CBLN2: variants seen among roughly 807,000 people sequenced by gnomAD.
CBLN2 encodes the protein cerebellin 2 precursor.
In CBLN2, 7 loss-of-function variants were observed where a neutral mutation model predicts 15.0. The ratio of observed to expected loss-of-function variants is 0.47; its 90% CI spans 0.27 to 0.88. The LOEUF is 0.88. Among genes scored for constraint, CBLN2 ranks in the 40% least tolerant of loss-of-function variants. The pLI is 0.14. For missense variants in CBLN2, 242 were observed against 304.5 expected (o/e 0.79, Z 1.53); for synonymous variants, 149 against 135.2 (o/e 1.10, Z -0.71).
At chr18:72,584,983 A>G (rs2069432780) in intron 1 of CBLN2, among the ~76,000 whole-genome samples, 1 of 152,188 alleles carries the variant, frequency 6.6e-6, no homozygotes, top group Non-Finnish European at 1.5e-5. Flanking sequence ...GGGTCTGGTC[A>G]CTGTGCACAG....
intron 1 of CBLN2, among the ~76,000 whole-genome samples, chr18:72,637,929 G>A (rs532481255): frequency 2.6e-5 from 4 of 152,330 alleles, no homozygotes; most frequent in Non-Finnish European, 5.9e-5. Context: ...CTCTGATGAG[G>A]AGCCAGCCGC....
chr18:72,540,936 A>C (rs1032832087), intron 3 of CBLN2, among the ~76,000 whole-genome samples: 6 of 152,108 alleles, frequency 3.9e-5, no homozygotes. Flanking sequence ...AAGCTTGGAA[A>C]CCTCTATAAT....
intron 1 of CBLN2, among the ~76,000 whole-genome samples, chr18:72,634,621 T>C (rs938085895): frequency 6.6e-6 from 1 of 152,166 alleles, no homozygotes; most frequent in Non-Finnish European, 1.5e-5. Context: ...GGTATTAATA[T>C]TAAAAATTAG....
upstream of CBLN2, among the ~76,000 whole-genome samples, chr18:72,546,242 C>G (rs997210693): frequency 6.6e-6 from 1 of 152,058 alleles, no homozygotes; most frequent in Non-Finnish European, 1.5e-5. Context: ...TTGAGACCAT[C>G]CTGGCTAACA....
intron 1 of CBLN2, among the ~76,000 whole-genome samples, chr18:72,601,085 T>C (rs775170533): frequency 6.6e-6 from 1 of 152,216 alleles, no homozygotes; most frequent in Non-Finnish European, 1.5e-5. Context: ...TATATCTTAA[T>C]AGAATTCTGG....
At chr18:72,578,699 T>C (rs1321702740) in intron 1 of CBLN2, among the ~76,000 whole-genome samples, 1 of 152,224 alleles carries the variant, frequency 6.6e-6, no homozygotes, top group African/African-American at 2.4e-5. Flanking sequence ...TACGCAGTAA[T>C]GTGGAAAGAA....
chr18:72,546,432 G>A (rs1054838081), upstream of CBLN2, among the ~76,000 whole-genome samples: 3 of 149,500 alleles, frequency 2.0e-5, no homozygotes, highest in South Asian at 4.2e-4. Flanking sequence ...AGAGCGAGAC[G>A]CTCTCTCTCA....
rs74312573 is a variant in CBLN2 at position 72,591,397 on chromosome 18, G to GT, written c.15+46927dup. Among the ~76,000 whole-genome samples, 63 of 151,958 alleles carry GT rather than the reference G, an allele frequency of 4.1e-4. No homozygotes were observed. The East Asian group carries it at 0.012, about 29-fold the overall frequency. The stretch of plus-strand genomic sequence containing the variant: ...TATGTGGTAAGTGTATATATTTATG[G>GT]TATACACGAGATATTTTGATACAGG... On this transcript the variant is annotated intron_variant, in intron 1 of 2. Transcript: ENST00000581073.
Position 72,581,887 on chromosome 18 carries a change from T to C in CBLN2, c.16-43115A>G, listed in dbSNP as rs540504045. 2.7e-3 allele frequency among the ~76,000 whole-genome samples: 412 copies of C among 152,356 alleles called. 3 individuals are homozygous for C. The highest frequency in any genetic ancestry group is 4.4e-3 in the Non-Finnish European group (299 of 68,036). On this transcript the variant is annotated intron_variant, in intron 1 of 2. Coordinates refer to the CBLN2 transcript ENST00000581073. ...TATATGTTTGTGAGTGTGTTTTGCA[T>C]GTCTATGTTCAATCTCTGTGGGTTT... is the stretch of plus-strand genomic sequence containing the variant.
chr18:72,541,797 G>C lies in CBLN2; in HGVS notation c.357+7C>G, dbSNP rs765376241. 4 of 1,532,286 alleles carry C rather than the reference G, an allele frequency of 2.6e-6. No individual in the cohort carries two copies. Among genetic ancestry groups the C allele is most frequent in the South Asian group, 1.2e-5 (1 of 81,906 alleles). The allele number at this position is 1,532,286 out of a possible 1,614,324, so 94.9% of individuals were successfully genotyped here. A position where few individuals can be genotyped will look rare whatever the true frequency, so the allele number is the denominator to read the frequency against. On this transcript the variant is annotated splice_region_variant and intron_variant, in intron 3 of 4. Coordinates refer to ENST00000269503, the MANE Select transcript of CBLN2 (RefSeq NM_182511.4). ...CTGGGGGCGGGGTGGGCAGGCCGACGGCTGACCTGGTCGAAATAGATGGTC... is the reference window on the plus strand; with the variant it reads ...CTGGGGGCGGGGTGGGCAGGCCGACCGCTGACCTGGTCGAAATAGATGGTC...
chr18:72,548,809 C>T (rs1161507470), upstream of CBLN2, among the ~76,000 whole-genome samples: 7 of 152,208 alleles, frequency 4.6e-5, no homozygotes, highest in South Asian at 2.1e-4. Context: ...TAGCTTCCTG[C>T]ACCATAAATG....
At chr18:72,585,171 A>G (rs887333822) in intron 1 of CBLN2, among the ~76,000 whole-genome samples, 9 of 152,188 alleles carry the variant, frequency 5.9e-5, no homozygotes, top group Non-Finnish European at 1.2e-4. Context: ...GGGCTCCCCA[A>G]AGGGCTGCAG....
intron 1 of CBLN2, among the ~76,000 whole-genome samples, chr18:72,600,992 T>C (rs193160545): frequency 2.8e-3 from 428 of 152,292 alleles, no homozygotes; most frequent in Non-Finnish European, 4.3e-3. Flanking sequence ...GGTTCTACAA[T>C]AGTGATGTTA....
intron 1 of CBLN2, among the ~76,000 whole-genome samples, chr18:72,556,568 T>C (rs2069228094): frequency 1.3e-5 from 2 of 152,212 alleles, no homozygotes; most frequent in South Asian, 2.1e-4. Context: ...GAAGAGGTGG[T>C]AATTGCTCAG....
At chr18:72,636,608 G>A (rs1461485750) in intron 1 of CBLN2, among the ~76,000 whole-genome samples, 1 of 152,180 alleles carries the variant, frequency 6.6e-6, no homozygotes, top group East Asian at 1.9e-4. Context: ...CGTGGTACAT[G>A]TAAAATTTTT....
At chr18:72,636,055 T>C (rs1254806225) in intron 1 of CBLN2, among the ~76,000 whole-genome samples, 1 of 152,200 alleles carries the variant, frequency 6.6e-6, no homozygotes, top group African/African-American at 2.4e-5. Flanking sequence ...CACCCTTTTC[T>C]TCATTTTAGA....
chr18:72,572,391 T>C (rs957259027), intron 1 of CBLN2, among the ~76,000 whole-genome samples: 1 of 152,192 alleles, frequency 6.6e-6, no homozygotes, highest in East Asian at 1.9e-4. Flanking sequence ...AGATGACTAG[T>C]GGAATCTTTT....
At chr18:72,632,416 T>C (rs1353604792) in intron 1 of CBLN2, among the ~76,000 whole-genome samples, 1 of 152,182 alleles carries the variant, frequency 6.6e-6, no homozygotes, top group Non-Finnish European at 1.5e-5. Flanking sequence ...ATTCCAAACA[T>C]AGAACAAGTT....
At chr18:72,540,949 T>G (rs566586496) in intron 3 of CBLN2, among the ~76,000 whole-genome samples, 1 of 152,332 alleles carries the variant, frequency 6.6e-6, no homozygotes, top group African/African-American at 2.4e-5. Flanking sequence ...TCTATAATGT[T>G]TTTAATTATT....
Sources: gnomAD v4.1 joint callset for allele counts (sites outside exome capture counted in the v4.1 genomes callset) on GRCh38, gnomAD v4.1.1 for gene constraint, MANE v1.5 for transcripts, NCBI Gene and HGNC (gene_info 2026-07-23, HGNC 2026-07-21) for gene names.